The following SNX29 variants were observed in gnomAD, a reference collection of about 807,000 sequenced individuals.
SNX29 encodes sorting nexin-29.
In SNX29, 78 loss-of-function variants were observed where a neutral mutation model predicts 102.1. That is an observed-to-expected ratio of 0.76 (90% CI 0.64 to 0.92). SNX29 has a LOEUF of 0.92. Ranked by LOEUF, SNX29 falls within the 40% of genes least tolerant of loss-of-function variation. SNX29 has a pLI of 0.00. For synonymous variants in SNX29, 580 were observed against 414.5 expected, an observed-to-expected ratio of 1.40 and a Z score of -4.85; for missense variants, 1,280 against 1,061.7, an observed-to-expected ratio of 1.21 and a Z score of -2.86.
chr16:12,554,776 C>A (rs928517385), intron 20 of SNX29, among the ~76,000 whole-genome samples: 10 of 152,268 alleles, frequency 6.6e-5, no homozygotes, highest in Middle Eastern at 3.4e-3. Context: ...TCTCCCCCGC[C>A]ATAGAATGCA....
At chr16:12,195,509 A>G (rs2076751050) in intron 13 of SNX29, among the ~76,000 whole-genome samples, 2 of 152,222 alleles carry the variant, frequency 1.3e-5, no homozygotes, top group South Asian at 4.1e-4. Flanking sequence ...TTGGCAGCAG[A>G]AGCTTGAGCT....
At chr16:12,539,700 A>G (rs1019507387) in intron 20 of SNX29, among the ~76,000 whole-genome samples, 17 of 152,232 alleles carry the variant, frequency 1.1e-4, no homozygotes, top group African/African-American at 4.1e-4. Flanking sequence ...AGCATGTCAT[A>G]CTGTCATGAT....
intron 16 of SNX29, among the ~76,000 whole-genome samples, chr16:12,381,516 A>T (rs1440458337): frequency 3.8e-5 from 1 of 26,644 alleles, no homozygotes; most frequent in East Asian, 1.5e-3. Flanking sequence ...CCCACCCATC[A>T]TTCATCCACC....
chr16:12,302,414 C>T (rs1192271224), intron 15 of SNX29, among the ~76,000 whole-genome samples: 3 of 152,118 alleles, frequency 2.0e-5, no homozygotes, highest in Non-Finnish European at 4.4e-5. Flanking sequence ...AACAAAATAC[C>T]ATAAACTGAG....
At chr16:12,557,016 C>A (rs999380570) in intron 20 of SNX29, among the ~76,000 whole-genome samples, 3 of 11,962 alleles carry the variant, frequency 2.5e-4, no homozygotes, top group Admixed American at 7.4e-4. Flanking sequence ...GGCTAATTTA[C>A]CCCCCCCCCG....
intron 11 of SNX29, among the ~76,000 whole-genome samples, chr16:12,109,609 A>T (rs1012659889): frequency 6.6e-6 from 1 of 152,118 alleles, no homozygotes; most frequent in Non-Finnish European, 1.5e-5. Flanking sequence ...TCATGCATGC[A>T]CCACGAAGCT....
intron 20 of SNX29, among the ~76,000 whole-genome samples, chr16:12,559,094 C>T (rs906162915): frequency 1.3e-5 from 2 of 152,138 alleles, no homozygotes; most frequent in Admixed American, 1.3e-4. Context: ...GCTCCTTAGT[C>T]TAGGATGAGT....
intron 11 of SNX29, among the ~76,000 whole-genome samples, chr16:12,080,712 A>G (rs1393799242): frequency 7.0e-6 from 1 of 142,670 alleles, no homozygotes; most frequent in Non-Finnish European, 1.5e-5. Context: ...TTTTTTTGAG[A>G]CAGAGTCTTG....
At chr16:12,277,830 C>G in intron 14 of SNX29, 103 bp from the exon 15 acceptor site, 1 of 911,370 alleles carries the variant, frequency 1.1e-6, no homozygotes, top group Non-Finnish European at 1.7e-6. Flanking sequence ...AGAGCTTTTT[C>G]AGTCTGAAGT....
intron 20 of SNX29, among the ~76,000 whole-genome samples, chr16:12,544,574 T>G (rs1344594955): frequency 6.6e-6 from 1 of 152,228 alleles, no homozygotes; most frequent in African/African-American, 2.4e-5. Flanking sequence ...GATTCATTGT[T>G]CTGCAGGCAT....
intron 20 of SNX29, chr16:12,527,529 C>A (rs952914320): frequency 7.5e-6 from 3 of 398,196 alleles, no homozygotes; most frequent in African/African-American, 4.0e-5. Flanking sequence ...GAGAGGGCCC[C>A]CCATTTTCCT....
intron 15 of SNX29, among the ~76,000 whole-genome samples, chr16:12,316,422 A>G (rs2080741721): frequency 6.6e-6 from 1 of 152,184 alleles, no homozygotes; most frequent in Non-Finnish European, 1.5e-5. Flanking sequence ...AGGCACCTGT[A>G]ATCCCTGCTA....
At position 12,402,831 on chromosome 16, in the gene SNX29, G is replaced by A. The variant is rs16959506; in HGVS notation, c.1956-617G>A. On this transcript the variant is annotated intron_variant, in intron 17 of 20. Coordinates refer to ENST00000566228, the MANE Select transcript of SNX29 (RefSeq NM_032167.5). ...TGTTTTTGGAAAAGCTGAAAGAGAG[G>A]TATTTGTACCCATCAGCCTGGTTTT... 4.9e-3 allele frequency among the ~76,000 whole-genome samples: 753 copies of A among 152,234 alleles called. 7 individuals are homozygous for A. Among genetic ancestry groups the A allele is most frequent in the African/African-American group, 0.017 (714 of 41,536 alleles).
At chr16:12,477,347 T>A (rs2087703729) in intron 18 of SNX29, among the ~76,000 whole-genome samples, 1 of 152,148 alleles carries the variant, frequency 6.6e-6, no homozygotes, top group Non-Finnish European at 1.5e-5. Context: ...GTTTTACAGA[T>A]GAGGAAACAA....
intron 16 of SNX29, chr16:12,373,576 G>C (rs747037387): frequency 3.9e-5 from 6 of 152,132 alleles, no homozygotes; most frequent in Non-Finnish European, 7.4e-5. Flanking sequence ...GCACTCTCCT[G>C]CTTTATTTTT....
chr16:12,387,165 T>G (rs2083369872), intron 16 of SNX29, among the ~76,000 whole-genome samples: 1 of 151,918 alleles, frequency 6.6e-6, no homozygotes, highest in Admixed American at 6.6e-5. Flanking sequence ...ACACCTAGAT[T>G]CCCATTACTG....
intron 15 of SNX29, among the ~76,000 whole-genome samples, chr16:12,288,856 C>T (rs982275455): frequency 1.3e-5 from 2 of 152,112 alleles, no homozygotes; most frequent in African/African-American, 4.8e-5. Flanking sequence ...TGCCCGAGGT[C>T]ATGGGGCTAG....
intron 11 of SNX29, among the ~76,000 whole-genome samples, chr16:12,104,762 T>C (rs747078110): frequency 7.9e-5 from 12 of 152,246 alleles, no homozygotes; most frequent in African/African-American, 1.4e-4. Flanking sequence ...CCTCTTGTTA[T>C]GTTTATCCAT....
At chr16:12,196,566 A>G (rs2076778035) in intron 13 of SNX29, among the ~76,000 whole-genome samples, 1 of 151,956 alleles carries the variant, frequency 6.6e-6, no homozygotes, top group Non-Finnish European at 1.5e-5. Flanking sequence ...TCAAATGTCC[A>G]ACTCTGCCAC....
Sources: allele counts gnomAD v4.1 joint callset (sites outside exome capture counted in the v4.1 genomes callset), GRCh38; gene constraint gnomAD v4.1.1; transcripts MANE v1.5; gene names NCBI Gene and HGNC (gene_info 2026-07-23, HGNC 2026-07-21).